NHERF2: variants seen among roughly 807,000 people sequenced by gnomAD.
NHERF2 encodes the protein Na(+)/H(+) exchange regulatory cofactor NHE-RF2.
At chr16:2,032,131 T>C in the NHERF2 span, among the ~76,000 whole-genome samples, 5 of 151,884 alleles carry the variant, frequency 3.3e-5, no homozygotes, top group East Asian at 1.9e-4. The surrounding 1 kb of genome is among the most constrained non-coding windows in gnomAD (Gnocchi z 4.0). Context: ...GCAATTCTTA[T>C]GTCTCAGCCT....
chr16:2,036,083 C>T, the NHERF2 span: 1 of 508,348 alleles, frequency 2.0e-6, no homozygotes, highest in Non-Finnish European at 3.5e-6. Context: ...CTCCCAGCAA[C>T]CCGGGAAGGC....
At chr16:2,026,940 G>GCGC in the NHERF2 span, 33 of 661,134 alleles carry the variant, frequency 5.0e-5, no homozygotes, top group Non-Finnish European at 6.0e-5. Flanking sequence ...CGGGTGCCCA[G>GCGC]CGCCGCCGCC....
chr16:2,037,611 T>C, the NHERF2 span: 1 of 1,611,732 alleles, frequency 6.2e-7, no homozygotes, highest in Non-Finnish European at 8.5e-7. Context: ...GTATGGATGT[T>C]CTCCACTCCT....
chr16:2,037,412 A>T, the NHERF2 span: 7 of 923,094 alleles, frequency 7.6e-6, no homozygotes, highest in Non-Finnish European at 1.2e-5. Context: ...GGAGTCCACC[A>T]GAGGCCCGAG....
At chr16:2,032,816 G>A in the NHERF2 span, 505 of 995,562 alleles carry the variant, frequency 5.1e-4, 4 homozygotes, top group South Asian at 0.019. This position sits in a 1 kb window ranked among gnomAD's most constrained non-coding sequence, Gnocchi z 4.0. Flanking sequence ...GGTGGCCAGC[G>A]GTGCCAGGCC....
chr16:2,038,157 G>A, the NHERF2 span: 2 of 745,994 alleles, frequency 2.7e-6, no homozygotes, highest in South Asian at 1.8e-5. Flanking sequence ...AGGTACTGGG[G>A]GCCTGTGGCA....
chr16:2,030,873 G>T, the NHERF2 span, among the ~76,000 whole-genome samples: 2 of 151,980 alleles, frequency 1.3e-5, no homozygotes, highest in Non-Finnish European at 2.9e-5. Context: ...CCCGGCAGGC[G>T]GAGGTTTCAG....
the NHERF2 span, chr16:2,036,634 G>C: frequency 6.4e-7 from 1 of 1,556,124 alleles, no homozygotes; most frequent in Non-Finnish European, 8.7e-7. Context: ...TCGGTGGGCG[G>C]TGGCTGTGAT....
the NHERF2 span, chr16:2,037,935 C>T: frequency 8.7e-6 from 14 of 1,613,264 alleles, no homozygotes; most frequent in East Asian, 4.5e-5. Flanking sequence ...AACAAGCGCG[C>T]GCCACAGATG....
At chr16:2,036,259 CG>C in the NHERF2 span, 2 of 1,487,236 alleles carry the variant, frequency 1.3e-6, no homozygotes, top group African/African-American at 1.4e-5. Flanking sequence ...GCGGCACCAC[CG>C]GGGAGTGGCC....
the NHERF2 span, among the ~76,000 whole-genome samples, chr16:2,030,676 C>T: frequency 2.7e-5 from 4 of 150,158 alleles, no homozygotes; most frequent in Non-Finnish European, 5.9e-5. Context: ...CGGTGGCTCA[C>T]GCCTGTAATC....
chr16:2,037,019 T>A, the NHERF2 span: 2 of 1,549,128 alleles, frequency 1.3e-6, no homozygotes, highest in East Asian at 4.9e-5. Flanking sequence ...GGGGTGCCCA[T>A]GAGACACAGG....
chr16:2,033,670 T>C, the NHERF2 span, among the ~76,000 whole-genome samples: 2 of 152,124 alleles, frequency 1.3e-5, no homozygotes, highest in African/African-American at 4.8e-5. Context: ...GGTCCAGCTC[T>C]GTGCTGGCCG....
the NHERF2 span, chr16:2,038,179 G>A: frequency 5.4e-5 from 34 of 624,194 alleles, no homozygotes; most frequent in Non-Finnish European, 8.7e-5. Flanking sequence ...CAAGATAGGG[G>A]GAGAGAGACC....
chr16:2,037,340 A>T, the NHERF2 span, among the ~76,000 whole-genome samples: 1 of 152,064 alleles, frequency 6.6e-6, no homozygotes, highest in Non-Finnish European at 1.5e-5. Context: ...CCTCTGCACC[A>T]TGAGCCGGCC....
At chr16:2,028,910 C>A in the NHERF2 span, among the ~76,000 whole-genome samples, 5 of 152,322 alleles carry the variant, frequency 3.3e-5, no homozygotes, top group Admixed American at 3.3e-4. Flanking sequence ...CACAGGTGCA[C>A]CTGCCTCTCC....
At chr16:2,036,237 G>C in the NHERF2 span, 2 of 1,380,620 alleles carry the variant, frequency 1.4e-6, no homozygotes, top group Non-Finnish European at 2.0e-6. Flanking sequence ...ACGGTACCGA[G>C]TTTGGGCAGT....
At chr16:2,033,018 A>G in the NHERF2 span, 1 of 1,202,092 alleles carries the variant, frequency 8.3e-7, no homozygotes, top group Non-Finnish European at 1.0e-6. Flanking sequence ...CTGGAGCCTC[A>G]ACAGGACCGT....
At chr16:2,037,745 G>A in the NHERF2 span, 1 of 1,550,142 alleles carries the variant, frequency 6.5e-7, no homozygotes, top group Non-Finnish European at 8.7e-7. Context: ...GCCTCTGTTG[G>A]TTGCTCCCTA....
Sources: allele counts gnomAD v4.1 joint callset (sites outside exome capture counted in the v4.1 genomes callset), GRCh38; gene constraint gnomAD v4.1.1; non-coding constraint Gnocchi (gnomAD v3.1); transcripts MANE v1.5; gene names NCBI Gene and HGNC (gene_info 2026-07-23, HGNC 2026-07-21).